ZNF536: variants seen among roughly 807,000 people sequenced by gnomAD.
ZNF536 encodes the protein zinc finger protein 536.
ZNF536 carries 13 observed loss-of-function variants against 84.5 expected under a neutral mutation model. That is an observed-to-expected ratio of 0.15 (90% CI 0.10 to 0.24). The LOEUF is 0.24. ZNF536 is among the 10% of genes least tolerant of loss of function. The pLI, the probability that ZNF536 is intolerant of heterozygous loss-of-function variation, is 1.00. For missense variants in ZNF536, 1,536 were observed against 1,747.5 expected (o/e 0.88, Z 2.16); for synonymous variants, 811 against 742.5 (o/e 1.09, Z -1.50).
chr19:30,279,940 T>C (rs2045377351), intron 1 of ZNF536, among the ~76,000 whole-genome samples: 1 of 152,188 alleles, frequency 6.6e-6, no homozygotes. Context: ...CTCACTCAGA[T>C]GCCTCCGCAG....
intron 1 of ZNF536, among the ~76,000 whole-genome samples, chr19:30,578,863 G>A (rs866058521): frequency 6.6e-6 from 1 of 152,150 alleles, no homozygotes; most frequent in African/African-American, 2.4e-5. Context: ...GTTCTGGGCA[G>A]GCTCATTTGT....
chr19:30,693,145 C>G (rs1300386370), intron 1 of ZNF536, among the ~76,000 whole-genome samples: 1 of 152,166 alleles, frequency 6.6e-6, no homozygotes, highest in Non-Finnish European at 1.5e-5. Context: ...ACACCCCCCA[C>G]TCATTTTAAA....
At chr19:30,702,945 C>T (rs992249088) in intron 1 of ZNF536, among the ~76,000 whole-genome samples, 2 of 152,178 alleles carry the variant, frequency 1.3e-5, no homozygotes, top group African/African-American at 4.8e-5. Context: ...TGACAGTCTG[C>T]CTGGTGGGGA....
intron 1 of ZNF536, among the ~76,000 whole-genome samples, chr19:30,441,686 T>C (rs1247333511): frequency 1.3e-5 from 2 of 152,208 alleles, no homozygotes; most frequent in Non-Finnish European, 2.9e-5. Context: ...AAAGGAAAGA[T>C]GACAAGCTGG....
At chr19:30,571,632 C>A (rs2146553867) in intron 1 of ZNF536, among the ~76,000 whole-genome samples, 1 of 152,316 alleles carries the variant, frequency 6.6e-6, no homozygotes, top group African/African-American at 2.4e-5. Context: ...TTTCTCATTT[C>A]TTCCAGGCCC....
At chr19:30,614,076 T>C (rs937096385) in intron 1 of ZNF536, among the ~76,000 whole-genome samples, 2 of 152,228 alleles carry the variant, frequency 1.3e-5, no homozygotes, top group Non-Finnish European at 2.9e-5. Flanking sequence ...TTGGCCAGGC[T>C]AGTCTCGAAC....
intron 3 of ZNF536, among the ~76,000 whole-genome samples, chr19:30,547,342 G>A (rs549269583): frequency 6.6e-6 from 1 of 152,268 alleles, no homozygotes; most frequent in South Asian, 2.1e-4. Flanking sequence ...TTTAGAAACA[G>A]TGCAGTAGGT....
At chr19:30,573,681 A>G (rs912366710) in intron 1 of ZNF536, among the ~76,000 whole-genome samples, 5 of 152,212 alleles carry the variant, frequency 3.3e-5, no homozygotes, top group Non-Finnish European at 5.9e-5. Flanking sequence ...CCTTTTAGGT[A>G]TCACATGGAT....
At chr19:30,579,900 C>T (rs1394359722) in intron 1 of ZNF536, among the ~76,000 whole-genome samples, 1 of 152,216 alleles carries the variant, frequency 6.6e-6, no homozygotes, top group Non-Finnish European at 1.5e-5. Context: ...ACCCATTCTT[C>T]CCACAAGGAA....
intron 2 of ZNF536, among the ~76,000 whole-genome samples, chr19:30,514,866 G>C (rs976709931): frequency 6.6e-6 from 1 of 152,078 alleles, no homozygotes. Flanking sequence ...CTTGACTCCA[G>C]TCTGCTCTGT....
At chr19:30,261,545 A>T (rs1218658321) in intron 1 of ZNF536, among the ~76,000 whole-genome samples, 1 of 151,498 alleles carries the variant, frequency 6.6e-6, no homozygotes, top group East Asian at 1.9e-4. Context: ...CAAAACATTT[A>T]AAAATTAACC....
intron 1 of ZNF536, among the ~76,000 whole-genome samples, chr19:30,405,230 G>C (rs1253699232): frequency 2.0e-5 from 3 of 152,188 alleles, no homozygotes. Flanking sequence ...AAGACCCCAA[G>C]TCAGAAAGAT....
At chr19:30,585,265 C>A (rs537818889) in intron 1 of ZNF536, among the ~76,000 whole-genome samples, 1 of 152,302 alleles carries the variant, frequency 6.6e-6, no homozygotes, top group East Asian at 1.9e-4. Flanking sequence ...TACATGGACA[C>A]TTAAAGGGAC....
chr19:30,651,835 G>A (rs1353533920), intron 1 of ZNF536, among the ~76,000 whole-genome samples: 2 of 152,242 alleles, frequency 1.3e-5, no homozygotes, highest in African/African-American at 4.8e-5. Context: ...GATGAGGGCA[G>A]TGTCTAAAGG....
intron 2 of ZNF536, among the ~76,000 whole-genome samples, chr19:30,533,730 C>T (rs2044955627): frequency 2.0e-5 from 3 of 152,194 alleles, no homozygotes; most frequent in Admixed American, 6.5e-5. Context: ...TTCCCTTGTT[C>T]TCCTAGTGGG....
At chr19:30,303,528 A>G (rs2046253831) in intron 2 of ZNF536, among the ~76,000 whole-genome samples, 2 of 147,810 alleles carry the variant, frequency 1.4e-5, no homozygotes, top group African/African-American at 2.5e-5. Flanking sequence ...TTTGAGATGG[A>G]GTCTTGCTCT....
intron 1 of ZNF536, among the ~76,000 whole-genome samples, chr19:30,234,195 A>C (rs1266838755): frequency 6.6e-6 from 1 of 152,060 alleles, no homozygotes; most frequent in Non-Finnish European, 1.5e-5. Flanking sequence ...GCTGACATTA[A>C]CCTGAAAGTT....
At chr19:30,628,004 G>A (rs1012223977) in intron 1 of ZNF536, among the ~76,000 whole-genome samples, 1 of 152,196 alleles carries the variant, frequency 6.6e-6, no homozygotes, top group African/African-American at 2.4e-5. Context: ...TACCACCCCT[G>A]CTTCCCGTGG....
chr19:30,250,849 T>G lies in ZNF536; in HGVS notation c.-190+22176T>G, dbSNP rs541619294. On this transcript the variant is annotated intron_variant, in intron 1 of 5. Coordinates refer to the ZNF536 transcript ENST00000585628. ...ATGACTGTTTTGATGCCTGTTGGGT[T>G]TTTTTTTTTTTTGAGGGGGACAGAT... 4.5e-5 allele frequency among the ~76,000 whole-genome samples: 4 copies of G among 88,410 alleles called. No homozygotes were observed. The Admixed American group carries it at 5.6e-4, about 12-fold the overall frequency. 58.0% of individuals were successfully genotyped at this position (88,410 alleles called of 152,430 possible). A position where few individuals can be genotyped will look rare whatever the true frequency, so the allele number is the denominator to read the frequency against.
Sources: allele counts gnomAD v4.1 joint callset (sites outside exome capture counted in the v4.1 genomes callset), GRCh38; gene constraint gnomAD v4.1.1; transcripts MANE v1.5; gene names NCBI Gene and HGNC (gene_info 2026-07-23, HGNC 2026-07-21).